Variants in CFAP46 observed in about 807,000 individuals in gnomAD.
CFAP46 encodes cilia and flagella associated protein 46.
A neutral mutation model predicts 325.7 loss-of-function variants in CFAP46; 245 were observed. The ratio of observed to expected loss-of-function variants is 0.75; its 90% CI spans 0.68 to 0.84. The LOEUF (loss-of-function observed/expected upper bound fraction) is 0.84, where lower values mean the gene tolerates loss of function less well. Ranked by LOEUF, CFAP46 falls within the 40% of genes least tolerant of loss-of-function variation. The pLI, the probability that CFAP46 is intolerant of heterozygous loss-of-function variation, is 0.00. For synonymous variants in CFAP46, 1,523 were observed against 1,495.9 expected (o/e 1.02, Z -0.42); for missense variants, 3,346 against 3,543.0 (o/e 0.94, Z 1.41).
In CFAP46 at chr10:132,940,551, C is replaced by T. The variant is rs369043023; in HGVS notation, c.371+445G>A. Reference sequence around the variant, plus strand: ...GGAAGGAGAAGGCGCCCTGGGGGTGCGCCCGGGGAGGCCCTGGAGAAAACA... The same window carrying T: ...GGAAGGAGAAGGCGCCCTGGGGGTGTGCCCGGGGAGGCCCTGGAGAAAACA... On this transcript the variant is annotated intron_variant, in intron 4 of 57. Transcript: ENST00000368586. Among the ~76,000 whole-genome samples the T allele has an allele frequency of 6.9e-3, 1,041 of 151,580 alleles. 12 individuals are homozygous for T. Among genetic ancestry groups the T allele is most frequent in the African/African-American group, 0.024 (988 of 41,404 alleles).
intron 35 of CFAP46, among the ~76,000 whole-genome samples, chr10:132,862,982 GAAAC>G (rs969296751): frequency 1.3e-5 from 2 of 152,122 alleles, no homozygotes; most frequent in East Asian, 1.9e-4. Context: ...AAAGATCAAG[GAAAC>G]AAACAACTTC....
chr10:132,856,442 C>T (rs1848643593), intron 39 of CFAP46, among the ~76,000 whole-genome samples: 1 of 152,230 alleles, frequency 6.6e-6, no homozygotes, highest in Non-Finnish European at 1.5e-5. Flanking sequence ...TTCTCCTCTT[C>T]TCCCAGGATT....
intron 24 of CFAP46, among the ~76,000 whole-genome samples, 157 bp from the exon 25 acceptor site, chr10:132,892,574 G>A (rs920438472): frequency 1.3e-5 from 2 of 152,090 alleles, no homozygotes; most frequent in Non-Finnish European, 2.9e-5. Flanking sequence ...ATGTTGTACC[G>A]GCCACTATTG....
At chr10:132,821,908 CTGA>C (rs1369206850) in intron 50 of CFAP46, among the ~76,000 whole-genome samples, 1 of 125,366 alleles carries the variant, frequency 8.0e-6, no homozygotes, top group African/African-American at 3.2e-5. Flanking sequence ...TGTGTGAGTG[CTGA>C]TGTGTGCTGT....
chr10:132,899,144 G>A (rs912830460), intron 23 of CFAP46, 23 bp from the exon 24 acceptor site: 24 of 1,540,494 alleles, frequency 1.6e-5, no homozygotes, highest in Middle Eastern at 2.2e-4. Flanking sequence ...AGGTCATGAC[G>A]CGGTGGCTCC....
intron 55 of CFAP46, among the ~76,000 whole-genome samples, chr10:132,812,127 G>A (rs1444049072): frequency 2.6e-5 from 4 of 152,200 alleles, no homozygotes; most frequent in South Asian, 2.1e-4. Context: ...CTGACCACTC[G>A]CCCTGCGGTG....
rs576689620 is a variant in CFAP46 at position 132,885,234 on chromosome 10, A to G, written c.3496T>C (p.Ser1166Pro). Residue 1166 changes from serine (S) to proline (P), a missense_variant, in exon 27 of 58, where the codon TCG becomes CCG. Ser to Pro is a moderately conservative substitution (Grantham distance 74). Coordinates refer to ENST00000368586, the MANE Select transcript of CFAP46 (RefSeq NM_001200049.3). Reference protein sequence around the residue: ...IVKAKLGQNFSMEIQKFKAES... With the variant: ...IVKAKLGQNFPMEIQKFKAES... ...GCCTTGAATTTCTGTATTTCCATCG[A>G]AAAATTCTGCCCGAGCTTGGCCTTC... 6.8e-5 allele frequency: 105 copies of G among 1,550,372 alleles called. No individual in the cohort carries two copies. The highest frequency in any genetic ancestry group is 8.7e-5 in the Non-Finnish European group (100 of 1,146,912).
intron 17 of CFAP46, among the ~76,000 whole-genome samples, chr10:132,915,197 A>T (rs887859959): frequency 6.6e-6 from 1 of 152,264 alleles, no homozygotes; most frequent in African/African-American, 2.4e-5. Context: ...AAACGGCTTG[A>T]GCCCTAATTT....
chr10:132,863,793 CCTGCCTGAG>C (rs1848759184), intron 35 of CFAP46, among the ~76,000 whole-genome samples: 4 of 143,214 alleles, frequency 2.8e-5, no homozygotes, highest in African/African-American at 5.2e-5. Flanking sequence ...CACCTGTCCC[CCTGCCTGAG>C]ACCTGCACGC....
intron 50 of CFAP46, among the ~76,000 whole-genome samples, chr10:132,816,678 G>A (rs1157768913): frequency 6.6e-6 from 1 of 152,110 alleles, no homozygotes; most frequent in East Asian, 1.9e-4. Context: ...AATTCCTGGC[G>A]CTTTTCCTAT....
In CFAP46 at chr10:132,869,600, G is replaced by A. The variant is rs1591064495; in HGVS notation, c.4512-228C>T. Among the ~76,000 whole-genome samples the A allele has an allele frequency of 1.3e-5, 2 of 152,200 alleles. No homozygotes were observed. The highest frequency in any genetic ancestry group is 6.5e-5 in the Admixed American group (1 of 15,288). ...TCCCGCTCCTTCACAGATCTCGTGCGAGGCATTATCTGTTGCCTCCTGGAC... is the reference window on the plus strand; with the variant it reads ...TCCCGCTCCTTCACAGATCTCGTGCAAGGCATTATCTGTTGCCTCCTGGAC... On this transcript the variant is annotated intron_variant, in intron 32 of 57. Coordinates refer to ENST00000368586, the MANE Select transcript of CFAP46 (RefSeq NM_001200049.3). The surrounding 1 kb of genome is among the most constrained non-coding windows in gnomAD (Gnocchi z 6.2).
chr10:132,924,937 G>A, intron 10 of CFAP46, 51 bp from the exon 11 acceptor site: 2 of 1,353,062 alleles, frequency 1.5e-6, no homozygotes, highest in Non-Finnish European at 1.9e-6. Flanking sequence ...TCGAGCTGCG[G>A]GGCTGGGGCG....
Position 132,919,496 on chromosome 10 carries a change from GA to G in CFAP46, c.1731-55del. On this transcript the variant is annotated intron_variant, in intron 14 of 57. Coordinates refer to ENST00000368586, the MANE Select transcript of CFAP46 (RefSeq NM_001200049.3). The surrounding 1 kb of genome is among the most constrained non-coding windows in gnomAD (Gnocchi z 9.7). ...AGGTGAGTAGACAAGTGTGGTTGCT[GA>G]AGTTAGAAAACACCTGGGCTGGCTG... The G allele has an allele frequency of 6.6e-7, 1 of 1,510,066 alleles. No individual in the cohort carries two copies. The allele number at this position is 1,510,066 out of a possible 1,614,324, so 93.5% of individuals were successfully genotyped here. A position where few individuals can be genotyped will look rare whatever the true frequency, so the allele number is the denominator to read the frequency against.
At chr10:132,865,005 A>G (rs1049672018) in intron 35 of CFAP46, among the ~76,000 whole-genome samples, 1 of 152,152 alleles carries the variant, frequency 6.6e-6, no homozygotes, top group Non-Finnish European at 1.5e-5. Context: ...AGTGCCAGAG[A>G]TAAAGTCTGA....
In CFAP46 at chr10:132,880,975, G is replaced by A. The variant is rs1375960585; in HGVS notation, c.3685C>T (p.His1229Tyr). Residue 1229 changes from histidine (H) to tyrosine (Y), a missense_variant, in exon 28 of 58, where the codon CAT becomes TAT. Transcript: ENST00000368586. ...TCCTCGAGAGGAAAGTGTCTGTGAT[G>A]GAGCCACTGGCCGAACTCCATGAGG... The part of the protein sequence containing the change: ...EYLMEFGQWL[H>Y]HRHFPLEDVV... 3 of 1,550,412 alleles carry A rather than the reference G, an allele frequency of 1.9e-6. No individual in the cohort carries two copies. The highest frequency in any genetic ancestry group is 2.4e-5 in the East Asian group (1 of 40,932).
chr10:132,922,027 G>A (rs114977405), intron 13 of CFAP46, 77 bp downstream of exon 13: 27,029 of 1,483,962 alleles, frequency 0.018, 343 homozygotes, highest in African/African-American at 0.052. Context: ...CATGGGGACT[G>A]GGGAGGCCCC....
intron 35 of CFAP46, among the ~76,000 whole-genome samples, chr10:132,865,304 G>T (rs1448028484): frequency 6.6e-6 from 1 of 152,196 alleles, no homozygotes; most frequent in East Asian, 1.9e-4. Flanking sequence ...CATCCCTGCT[G>T]GGGGAGTGCA....
At chr10:132,922,863 C>T (rs1037179793) in intron 11 of CFAP46, among the ~76,000 whole-genome samples, 155 bp from the exon 12 acceptor site, 1 of 152,204 alleles carries the variant, frequency 6.6e-6, no homozygotes, top group Non-Finnish European at 1.5e-5. Flanking sequence ...CCAGTGATGT[C>T]CCTACCTGGC....
rs1334190708 is a variant in CFAP46 at position 132,919,444 on chromosome 10, T to C, written c.1731-2A>G. ...GCCAGCTCTGCCCAAATCTGTATCC[T>C]GCTCACCGAGAACCCAAACGAGTGA... On this transcript the variant is annotated splice_acceptor_variant, in intron 14 of 57. Transcript: ENST00000368586. LOFTEE classifies it high-confidence loss of function. The surrounding 1 kb of genome is among the most constrained non-coding windows in gnomAD (Gnocchi z 9.7). 1 of 1,546,342 alleles carries C rather than the reference T, an allele frequency of 6.5e-7. No homozygotes were observed.
Sources: gnomAD v4.1 joint callset for allele counts (sites outside exome capture counted in the v4.1 genomes callset) on GRCh38, gnomAD v4.1.1 for gene constraint, Gnocchi (gnomAD v3.1) non-coding constraint, MANE v1.5 for transcripts, NCBI Gene and HGNC (gene_info 2026-07-23, HGNC 2026-07-21) for gene names.